BBS9: variants seen among roughly 807,000 people sequenced by gnomAD.
BBS9 encodes the protein Bardet-Biedl syndrome 9.
A neutral mutation model predicts 117.7 loss-of-function variants in BBS9; 89 were observed. The observed-to-expected ratio is 0.76, with a 90% CI of 0.64 to 0.90. The LOEUF (loss-of-function observed/expected upper bound fraction) is 0.90, where lower values mean the gene tolerates loss of function less well. Among genes scored for constraint, BBS9 ranks in the 40% least tolerant of loss-of-function variants. The probability of loss-of-function intolerance (pLI) is 0.00; values close to 1 mark genes in which losing one functional copy is unlikely to be tolerated. For missense variants in BBS9, 982 were observed against 1,042.2 expected (o/e 0.94, Z 0.80); for synonymous variants, 379 against 370.9 (o/e 1.02, Z -0.25).
chr7:33,469,804 C>T (rs1446147264), intron 19 of BBS9, among the ~76,000 whole-genome samples: 3 of 152,066 alleles, frequency 2.0e-5, no homozygotes, highest in African/African-American at 7.2e-5. Flanking sequence ...AGCATGTAAA[C>T]CTGGTTTGTA....
At chr7:33,176,629 C>T (rs189927275) in intron 4 of BBS9, among the ~76,000 whole-genome samples, 10 of 152,232 alleles carry the variant, frequency 6.6e-5, no homozygotes, top group African/African-American at 2.2e-4. Context: ...AATAAGTACA[C>T]ATACATATAT....
chr7:33,477,116 C>A (rs1841906166), intron 19 of BBS9, among the ~76,000 whole-genome samples: 1 of 152,118 alleles, frequency 6.6e-6, no homozygotes, highest in Non-Finnish European at 1.5e-5. Flanking sequence ...ATTTCTCATC[C>A]ATAAGATGGT....
intron 21 of BBS9, among the ~76,000 whole-genome samples, chr7:33,625,911 G>A (rs748031553): frequency 6.6e-6 from 1 of 152,190 alleles, no homozygotes; most frequent in Non-Finnish European, 1.5e-5. Flanking sequence ...TTATATGTCT[G>A]AAAATTAAAA....
chr7:33,585,889 T>C (rs1860802256), intron 21 of BBS9, among the ~76,000 whole-genome samples: 1 of 152,032 alleles, frequency 6.6e-6, no homozygotes, highest in African/African-American at 2.4e-5. Flanking sequence ...AAAATACTCA[T>C]GACACAGCAG....
intron 20 of BBS9, among the ~76,000 whole-genome samples, chr7:33,507,262 A>C (rs1846274970): frequency 6.6e-6 from 1 of 152,104 alleles, no homozygotes; most frequent in African/African-American, 2.4e-5. Context: ...TCGTTTTGAG[A>C]TGGAGTCTTG....
In BBS9 at chr7:33,584,448, T is replaced by C. The variant is rs542497321; in HGVS notation, c.2522-20417T>C. Among the ~76,000 whole-genome samples, 7 of 152,194 alleles carry C rather than the reference T, an allele frequency of 4.6e-5. No homozygotes were observed. The South Asian group carries it at 1.5e-3, about 32-fold the overall frequency. On this transcript the variant is annotated intron_variant, in intron 21 of 22. Transcript: ENST00000242067. ...TTGTCTGCTTTACTTATAAATTTTA[T>C]GTTGCCTATTAGTTTTAGATCCTTA...
intron 9 of BBS9, among the ~76,000 whole-genome samples, chr7:33,274,889 G>T (rs913185221): frequency 2.0e-5 from 3 of 151,514 alleles, no homozygotes; most frequent in Non-Finnish European, 4.4e-5. Flanking sequence ...CAGCTGCTTG[G>T]GAGGCTGAGG....
intron 19 of BBS9, among the ~76,000 whole-genome samples, chr7:33,440,581 G>A (rs1251559670): frequency 6.6e-6 from 1 of 152,174 alleles, no homozygotes; most frequent in Non-Finnish European, 1.5e-5. Context: ...GGTTTATTGA[G>A]GCAGTGCTTA....
chr7:33,601,282 C>T (rs1486712994), intron 21 of BBS9, among the ~76,000 whole-genome samples: 1 of 152,022 alleles, frequency 6.6e-6, no homozygotes, highest in Non-Finnish European at 1.5e-5. Context: ...TTGTCCTTGC[C>T]TGAGGGCTCA....
intron 5 of BBS9, among the ~76,000 whole-genome samples, chr7:33,179,275 C>A (rs541180696): frequency 1.3e-3 from 201 of 152,228 alleles, no homozygotes; most frequent in Non-Finnish European, 2.4e-3. Flanking sequence ...TAGGTCACAT[C>A]AAATGTTATA....
intron 5 of BBS9, among the ~76,000 whole-genome samples, chr7:33,183,156 A>ATT (rs1292613933): frequency 2.6e-5 from 4 of 152,118 alleles, no homozygotes; most frequent in African/African-American, 9.7e-5. Flanking sequence ...AGAGGGATCT[A>ATT]TTTTCAATTC....
intron 5 of BBS9, among the ~76,000 whole-genome samples, chr7:33,191,071 G>C (rs1053596118): frequency 2.6e-5 from 4 of 152,192 alleles, no homozygotes; most frequent in African/African-American, 9.7e-5. Flanking sequence ...CAACCCAGAA[G>C]GGGCAGAGGT....
intron 19 of BBS9, among the ~76,000 whole-genome samples, chr7:33,431,188 T>C (rs916280116): frequency 1.4e-5 from 2 of 144,924 alleles, no homozygotes; most frequent in African/African-American, 2.6e-5. Flanking sequence ...GAGTGTGGAA[T>C]AAGAGTAAGA....
chr7:33,242,685 T>A (rs1794734057), intron 5 of BBS9, among the ~76,000 whole-genome samples: 2 of 152,188 alleles, frequency 1.3e-5, no homozygotes, highest in Non-Finnish European at 2.9e-5. Flanking sequence ...TATTTACATT[T>A]GCAAGCAATT....
At chr7:33,618,254 AG>A (rs1865241554) in intron 21 of BBS9, among the ~76,000 whole-genome samples, 1 of 152,060 alleles carries the variant, frequency 6.6e-6, no homozygotes, top group South Asian at 2.1e-4. Context: ...CTGAGATGGG[AG>A]GATCACTTGA....
At chr7:33,469,469 A>G (rs1344771614) in intron 19 of BBS9, among the ~76,000 whole-genome samples, 1 of 152,174 alleles carries the variant, frequency 6.6e-6, no homozygotes, top group Non-Finnish European at 1.5e-5. Context: ...ACAAAGTCCT[A>G]TCTTTCTGTA....
chr7:33,451,297 C>G (rs1017475203), intron 19 of BBS9, among the ~76,000 whole-genome samples: 22 of 152,096 alleles, frequency 1.4e-4, no homozygotes, highest in African/African-American at 5.3e-4. Flanking sequence ...AAGCTTTTCC[C>G]CTATGTTTTC....
At chr7:33,326,127 A>C (rs1812774305) in intron 9 of BBS9, among the ~76,000 whole-genome samples, 1 of 152,076 alleles carries the variant, frequency 6.6e-6, no homozygotes. Context: ...TCTGGGAGCC[A>C]GGGTCTGGAA....
At chr7:33,249,226 G>GACACACACACACAC (rs143505945) in intron 5 of BBS9, among the ~76,000 whole-genome samples, 253 of 148,416 alleles carry the variant, frequency 1.7e-3, no homozygotes, top group African/African-American at 6.0e-3. Flanking sequence ...TGGGCATGGG[G>GACACACACACACAC]ACACACACAC....
Sources: gnomAD v4.1 joint callset for allele counts (sites outside exome capture counted in the v4.1 genomes callset) on GRCh38, gnomAD v4.1.1 for gene constraint, MANE v1.5 for transcripts, NCBI Gene and HGNC (gene_info 2026-07-23, HGNC 2026-07-21) for gene names.